The following ZWILCH variants were observed in gnomAD, a reference collection of about 807,000 sequenced individuals.
ZWILCH encodes zwilch kinetochore protein, also known as protein zwilch homolog.
A neutral mutation model predicts 79.9 loss-of-function variants in ZWILCH; 74 were observed. The ratio of observed to expected loss-of-function variants is 0.93; its 90% CI spans 0.77 to 1.12. The LOEUF is 1.12. ZWILCH is among the 50% of genes most tolerant of loss of function. The pLI is 0.00. For missense variants in ZWILCH, 694 were observed against 687.5 expected, an observed-to-expected ratio of 1.01 and a Z score of -0.11; for synonymous variants, 241 against 228.2, an observed-to-expected ratio of 1.06 and a Z score of -0.51.
At chr15:66,517,529 C>T (rs1336591215) in intron 4 of ZWILCH, among the ~76,000 whole-genome samples, 2 of 144,682 alleles carry the variant, frequency 1.4e-5, no homozygotes, top group African/African-American at 5.1e-5. Flanking sequence ...CTCTTTTACC[C>T]CTAAATGCTC....
At chr15:66,511,605 G>A (rs920699120) in intron 2 of ZWILCH, among the ~76,000 whole-genome samples, 2 of 151,600 alleles carry the variant, frequency 1.3e-5, no homozygotes, top group African/African-American at 4.8e-5. Context: ...AATAAACAAT[G>A]AAAATGCTTT....
intron 12 of ZWILCH, among the ~76,000 whole-genome samples, chr15:66,530,001 C>A (rs377309649): frequency 3.9e-5 from 6 of 152,216 alleles, no homozygotes; most frequent in Admixed American, 2.0e-4. Flanking sequence ...ACCAATAATT[C>A]TTTTGTTAAG....
At position 66,535,966 on chromosome 15, in the gene ZWILCH, G is replaced by C. The variant is rs1895002694; in HGVS notation, c.1375G>C (p.Glu459Gln). 6.2e-7 allele frequency: 1 copy of C among 1,609,842 alleles called. No homozygotes were observed. The highest frequency in any genetic ancestry group is 8.5e-7 in the Non-Finnish European group (1 of 1,178,934). Residue 459 changes from glutamate (E) to glutamine (Q), a missense_variant, in exon 15 of 19, where the codon GAA (glutamate) becomes CAA (glutamine). By Grantham distance (29) the Glu-to-Gln change is conservative. Coordinates refer to ENST00000307897, the MANE Select transcript of ZWILCH (RefSeq NM_017975.5). ...YFIAPSVDIQ[E>Q]QVYRVQKLHH... ...CATTGCTCCATCAGTAGATATACAA[G>C]AACAGGTTTATCGTGTCCAAAAACT...
chr15:66,528,586 G>A (rs1265067849), intron 10 of ZWILCH, among the ~76,000 whole-genome samples: 2 of 144,174 alleles, frequency 1.4e-5, no homozygotes, highest in Admixed American at 7.1e-5. Context: ...ATAGGAAAAC[G>A]GAGACCAAGG....
At chr15:66,528,130 G>T (rs1355792927) in intron 10 of ZWILCH, among the ~76,000 whole-genome samples, 1 of 152,060 alleles carries the variant, frequency 6.6e-6, no homozygotes. Flanking sequence ...TTGAGACAAG[G>T]TCTTGCTCTG....
chr15:66,519,224 G>A (rs1894402848), intron 5 of ZWILCH, 146 bp downstream of exon 5: 5 of 722,046 alleles, frequency 6.9e-6, no homozygotes, highest in Non-Finnish European at 1.1e-5. Context: ...ACTCTGGTGT[G>A]TAACTTGCAG....
At chr15:66,542,680 C>T (rs1030224770) in intron 17 of ZWILCH, among the ~76,000 whole-genome samples, 4 of 152,048 alleles carry the variant, frequency 2.6e-5, no homozygotes, top group Admixed American at 6.6e-5. Flanking sequence ...GTAAGGTAAA[C>T]AGTGTACCAA....
At chr15:66,543,465 G>A (rs1895258156) in intron 17 of ZWILCH, among the ~76,000 whole-genome samples, 1 of 152,176 alleles carries the variant, frequency 6.6e-6, no homozygotes, top group Admixed American at 6.6e-5. Flanking sequence ...AGGTTCTATT[G>A]CCTAAGCTAG....
chr15:66,509,358 G>T (rs906163701), intron 2 of ZWILCH, among the ~76,000 whole-genome samples: 9 of 152,026 alleles, frequency 5.9e-5, no homozygotes, highest in Non-Finnish European at 4.4e-5. Flanking sequence ...TTAGTTCCTG[G>T]CAAACATTAA....
chr15:66,540,029 G>T (rs1895143524), intron 16 of ZWILCH, 69 bp from the exon 17 acceptor site: 20 of 1,050,550 alleles, frequency 1.9e-5, no homozygotes, highest in Middle Eastern at 2.1e-4. Flanking sequence ...TCACTAAATG[G>T]CTGTAGAGGG....
At chr15:66,548,328 A>T in intron 18 of ZWILCH, 23 bp from the exon 19 acceptor site, 2 of 413,114 alleles carry the variant, frequency 4.8e-6, no homozygotes, top group East Asian at 3.4e-5. Context: ...GCTTATTTTT[A>T]TTTTCTAATT....
chr15:66,524,223 A>G (rs1894600137), intron 8 of ZWILCH, among the ~76,000 whole-genome samples: 5 of 152,140 alleles, frequency 3.3e-5, no homozygotes, highest in Admixed American at 3.3e-4. Context: ...ACTGTTGTCC[A>G]AAGTAGTTAT....
chr15:66,515,766 A>G (rs1307684214), intron 4 of ZWILCH, 122 bp downstream of exon 4: 5 of 727,696 alleles, frequency 6.9e-6, no homozygotes, highest in Admixed American at 4.9e-5. Flanking sequence ...CCACCCCCTG[A>G]TAAGTATACC....
chr15:66,539,911 A>G (rs962383429), intron 16 of ZWILCH, among the ~76,000 whole-genome samples, 187 bp from the exon 17 acceptor site: 1 of 151,356 alleles, frequency 6.6e-6, no homozygotes, highest in African/African-American at 2.4e-5. Context: ...TTTTTTTCCA[A>G]ATTGTTATTT....
At chr15:66,545,625 ACACT>A (rs1895345706) in intron 17 of ZWILCH, among the ~76,000 whole-genome samples, 1 of 152,226 alleles carries the variant, frequency 6.6e-6, no homozygotes, top group Admixed American at 6.5e-5. Context: ...GCTTAGGAAC[ACACT>A]CAAACTCCAT....
intron 16 of ZWILCH, among the ~76,000 whole-genome samples, chr15:66,537,887 T>G (rs556919343): frequency 9.9e-5 from 15 of 152,258 alleles, no homozygotes; most frequent in African/African-American, 3.6e-4. Context: ...GACCTCTCTC[T>G]AGACTGTTGG....
At chr15:66,522,721 A>C (rs1207371411) in intron 7 of ZWILCH, among the ~76,000 whole-genome samples, 1 of 152,244 alleles carries the variant, frequency 6.6e-6, no homozygotes, top group Non-Finnish European at 1.5e-5. Flanking sequence ...GAAAAAGTAT[A>C]AATTATTTAT....
At chr15:66,520,464 A>T (rs1369728050) in intron 5 of ZWILCH, 126 bp from the exon 6 acceptor site, 5 of 653,252 alleles carry the variant, frequency 7.7e-6, no homozygotes, top group South Asian at 3.4e-5. Context: ...TGTGATTTAA[A>T]ATTTAATTTT....
chr15:66,525,927 A>G (rs1423556890), intron 8 of ZWILCH, among the ~76,000 whole-genome samples: 3 of 151,042 alleles, frequency 2.0e-5, no homozygotes, highest in Non-Finnish European at 3.0e-5. Flanking sequence ...ATGCCCTGCT[A>G]ATTTTTTTGT....
Sources: gnomAD v4.1 joint callset for allele counts (sites outside exome capture counted in the v4.1 genomes callset) on GRCh38, gnomAD v4.1.1 for gene constraint, MANE v1.5 for transcripts, NCBI Gene and HGNC (gene_info 2026-07-23, HGNC 2026-07-21) for gene names.